LRRN1: variants seen among roughly 807,000 people sequenced by gnomAD.
LRRN1 encodes the protein leucine-rich repeat neuronal protein 1.
Under a neutral mutation model 45.8 loss-of-function variants are expected in LRRN1, and 14 were observed. That is an observed-to-expected ratio of 0.31 (90% CI 0.20 to 0.48). LRRN1 has a LOEUF of 0.48. LRRN1 is among the 20% of genes least tolerant of loss of function. LRRN1 has a pLI of 0.99. For synonymous variants in LRRN1, 359 were observed against 330.1 expected (o/e 1.09, Z -0.95); for missense variants, 789 against 874.2 (o/e 0.90, Z 1.23).
intron 1 of LRRN1, among the ~76,000 whole-genome samples, chr3:3,832,857 A>G (rs1376705516): frequency 2.0e-5 from 3 of 152,138 alleles, no homozygotes; most frequent in Non-Finnish European, 4.4e-5. Flanking sequence ...CTTCCTATCA[A>G]TTTCACTTCT....
intron 1 of LRRN1, among the ~76,000 whole-genome samples, chr3:3,818,754 A>G (rs991915522): frequency 2.0e-5 from 3 of 152,162 alleles, no homozygotes; most frequent in African/African-American, 7.2e-5. Flanking sequence ...AGAAGAAGTT[A>G]TAAAGATCAT....
At position 3,816,287 on chromosome 3, in the gene LRRN1, C is replaced by CT. The variant is rs1692985786; in HGVS notation, c.-279+16371dup. Reference sequence around the variant, plus strand: ...TTCCAGGTCATCGATGATCTGAGCACTTTGAGTATTGGACCATTAGTTTCA... The same window carrying CT: ...TTCCAGGTCATCGATGATCTGAGCACTTTTGAGTATTGGACCATTAGTTTCA... On this transcript the variant is annotated intron_variant, in intron 1 of 1. Coordinates refer to ENST00000319331, the MANE Select transcript of LRRN1 (RefSeq NM_020873.7). The surrounding 1 kb of genome is among the most constrained non-coding windows in gnomAD (Gnocchi z 4.0). 1.3e-5 allele frequency among the ~76,000 whole-genome samples: 2 copies of CT among 152,112 alleles called. No individual in the cohort carries two copies. The highest frequency in any genetic ancestry group is 2.4e-5 in the African/African-American group (1 of 41,426).
intron 1 of LRRN1, among the ~76,000 whole-genome samples, chr3:3,825,242 T>A (rs1284471968): frequency 3.3e-5 from 5 of 152,216 alleles, no homozygotes; most frequent in Admixed American, 6.5e-5. Flanking sequence ...TAAAGTGCCA[T>A]CCATGCCCAG....
intron 1 of LRRN1, among the ~76,000 whole-genome samples, chr3:3,818,919 CTAAG>C (rs1387232375): frequency 6.6e-6 from 1 of 151,836 alleles, no homozygotes; most frequent in Non-Finnish European, 1.5e-5. Context: ...AGTCAGGACT[CTAAG>C]TATTTGATAA....
intron 1 of LRRN1, among the ~76,000 whole-genome samples, chr3:3,833,981 A>G (rs1176744413): frequency 1.3e-5 from 2 of 152,056 alleles, no homozygotes; most frequent in African/African-American, 4.8e-5. Flanking sequence ...TGCACCTTTC[A>G]TTGCAGGTCA....
chr3:3,823,950 G>A (rs2106459785), intron 1 of LRRN1, among the ~76,000 whole-genome samples: 1 of 152,306 alleles, frequency 6.6e-6, no homozygotes, highest in Middle Eastern at 3.4e-3. Context: ...TCATTTAGAG[G>A]TAGGAAAGAT....
chr3:3,836,734 G>A (rs973463340), intron 1 of LRRN1, among the ~76,000 whole-genome samples: 5 of 152,180 alleles, frequency 3.3e-5, no homozygotes, highest in African/African-American at 1.2e-4. Context: ...TTTACAAAAA[G>A]GAGTGGGATA....
At chr3:3,807,258 A>G (rs1450014244) in intron 1 of LRRN1, among the ~76,000 whole-genome samples, 1 of 152,252 alleles carries the variant, frequency 6.6e-6, no homozygotes, top group African/African-American at 2.4e-5. Flanking sequence ...AGGAGAGTGC[A>G]GCTAGAGTTA....
At position 3,846,950 on chromosome 3, in the gene LRRN1, G is replaced by A. The variant is rs547815337; in HGVS notation, c.*158G>A. The A allele has an allele frequency of 4.1e-5, 24 of 585,190 alleles. No individual in the cohort carries two copies. The highest frequency in any genetic ancestry group is 2.1e-4 in the African/African-American group (11 of 53,188). 36.2% of individuals were successfully genotyped at this position (585,190 alleles called of 1,614,324 possible). On this transcript the variant is annotated 3_prime_UTR_variant, in exon 2 of 2. Transcript: ENST00000319331. The surrounding 1 kb of genome is among the most constrained non-coding windows in gnomAD (Gnocchi z 5.7). ...ATATTTCAAATTTTTTTAGTATAGC[G>A]TATCGCAAGGGTTTGACACGGCTGC...
intron 1 of LRRN1, among the ~76,000 whole-genome samples, chr3:3,830,651 G>T (rs146170356): frequency 3.7e-4 from 57 of 152,336 alleles, no homozygotes; most frequent in African/African-American, 7.2e-4. Context: ...GGTGGCCTGA[G>T]TGGAGACCAT....
rs1366487733 is a variant in LRRN1, at chr3:3,816,821, CA to C, written c.-279+16903del. Among the ~76,000 whole-genome samples the C allele has an allele frequency of 6.6e-6, 1 of 152,100 alleles. No individual in the cohort carries two copies. Among genetic ancestry groups the C allele is most frequent in the Non-Finnish European group, 1.5e-5 (1 of 68,012 alleles). On this transcript the variant is annotated intron_variant, in intron 1 of 1. Coordinates refer to ENST00000319331, the MANE Select transcript of LRRN1 (RefSeq NM_020873.7). This position sits in a 1 kb window ranked among gnomAD's most constrained non-coding sequence, Gnocchi z 4.0. The stretch of plus-strand genomic sequence containing the variant: ...TTGGGGTCCAATAAGACAATTAAGG[CA>C]GGTGGTATCACAGAAAGGCCCTGTG...
intron 1 of LRRN1, among the ~76,000 whole-genome samples, chr3:3,828,977 G>A (rs1210862888): frequency 6.9e-6 from 1 of 143,982 alleles, no homozygotes; most frequent in Non-Finnish European, 1.5e-5. Context: ...AGCAGGTTGT[G>A]TTTTCTTTTC....
rs5846290 is a variant in LRRN1 at position 3,800,139 on chromosome 3, CAA to C, written c.-279+236_-279+237del. ...CCCCGTTTCCCCCCGTCCCCCTTGCCAAAAAAAAAAAAAAAAAGGTGTGGGAG... is the reference window on the plus strand; with the variant it reads ...CCCCGTTTCCCCCCGTCCCCCTTGCCAAAAAAAAAAAAAAAGGTGTGGGAG... On this transcript the variant is annotated intron_variant, in intron 1 of 1. Transcript: ENST00000319331. Among the ~76,000 whole-genome samples the C allele has an allele frequency of 2.2e-3, 228 of 103,900 alleles. 1 individual carries two copies. The highest frequency in any genetic ancestry group is 5.2e-3 in the Middle Eastern group (1 of 192). 68.2% of individuals were successfully genotyped at this position (103,900 alleles called of 152,430 possible). A position where few individuals can be genotyped will look rare whatever the true frequency, so the allele number is the denominator to read the frequency against.
rs539656700 is a variant in LRRN1 at position 3,844,690 on chromosome 3, C to G, written c.49C>G (p.Leu17Val). Residue 17 changes from leucine (L) to valine (V), a missense_variant, in exon 2 of 2, where the codon CTA (leucine) becomes GTA (valine). Coordinates refer to ENST00000319331, the MANE Select transcript of LRRN1 (RefSeq NM_020873.7). ...AGCAGCTTGCCAATTGGTGCTGGGC[C>G]TACTAATGACTTCATTAACCGAGTC... Reference protein sequence around the residue: ...VIAACQLVLGLLMTSLTESSI... With the variant: ...VIAACQLVLGVLMTSLTESSI... 2 of 1,614,088 alleles carry G rather than the reference C, an allele frequency of 1.2e-6. No individual in the cohort carries two copies. The highest frequency in any genetic ancestry group is 1.7e-5 in the Admixed American group (1 of 60,022).
At chr3:3,807,264 A>C (rs1247310131) in intron 1 of LRRN1, among the ~76,000 whole-genome samples, 1 of 152,252 alleles carries the variant, frequency 6.6e-6, no homozygotes, top group East Asian at 1.9e-4. Context: ...GTGCAGCTAG[A>C]GTTAGAAAAC....
chr3:3,807,514 T>G (rs1692790163), intron 1 of LRRN1, among the ~76,000 whole-genome samples: 1 of 152,226 alleles, frequency 6.6e-6, no homozygotes, highest in African/African-American at 2.4e-5. Context: ...CTTTCTTGTT[T>G]GTTTAGTAAG....
intron 1 of LRRN1, among the ~76,000 whole-genome samples, chr3:3,802,883 G>A (rs1377541451): frequency 1.3e-5 from 2 of 152,186 alleles, no homozygotes; most frequent in Non-Finnish European, 2.9e-5. Context: ...TCACATTTGT[G>A]AAACCTTATC....
intron 1 of LRRN1, among the ~76,000 whole-genome samples, chr3:3,836,169 G>C (rs1245220831): frequency 2.6e-5 from 4 of 151,998 alleles, no homozygotes; most frequent in African/African-American, 7.3e-5. Context: ...TATAAAAGTT[G>C]GCCTGAATTA....
At chr3:3,820,309 C>T (rs1323102057) in intron 1 of LRRN1, among the ~76,000 whole-genome samples, 2 of 152,134 alleles carry the variant, frequency 1.3e-5, no homozygotes. Flanking sequence ...TTTCGAGTAC[C>T]TGCTCTAGGG....
Sources: gnomAD v4.1 joint callset for allele counts (sites outside exome capture counted in the v4.1 genomes callset) on GRCh38, gnomAD v4.1.1 for gene constraint, Gnocchi (gnomAD v3.1) non-coding constraint, MANE v1.5 for transcripts, NCBI Gene and HGNC (gene_info 2026-07-23, HGNC 2026-07-21) for gene names.